ASIC2: variants seen among roughly 807,000 people sequenced by gnomAD.
The protein encoded by ASIC2 is acid sensing ion channel subunit 2, also known as acid-sensing ion channel 2.
ASIC2 carries 25 observed loss-of-function variants against 57.3 expected under a neutral mutation model. That is an observed-to-expected ratio of 0.44 (90% CI 0.32 to 0.61). The LOEUF is 0.61. ASIC2 is among the 20% of genes least tolerant of loss of function. ASIC2 has a pLI of 0.06. For missense variants in ASIC2, 641 were observed against 738.1 expected (o/e 0.87, Z 1.52); for synonymous variants, 319 against 307.5 (o/e 1.04, Z -0.39).
chr17:33,783,973 CTT>C, intron 1 of ASIC2, among the ~76,000 whole-genome samples: 1 of 152,332 alleles, frequency 6.6e-6, no homozygotes, highest in South Asian at 2.1e-4. Flanking sequence ...GGCAGCGACT[CTT>C]TACCTGAGAG....
intron 1 of ASIC2, among the ~76,000 whole-genome samples, chr17:33,693,559 A>G (rs955543620): frequency 6.6e-6 from 1 of 152,184 alleles, no homozygotes; most frequent in Non-Finnish European, 1.5e-5. Flanking sequence ...ACAAAGCAGG[A>G]TCATCTCAAG....
intron 1 of ASIC2, among the ~76,000 whole-genome samples, chr17:33,472,408 C>T (rs1913086064): frequency 6.6e-6 from 1 of 152,160 alleles, no homozygotes. Context: ...ATCTTTAAAA[C>T]AACCCTAGAA....
chr17:33,250,909 T>C (rs1908859125), intron 1 of ASIC2, among the ~76,000 whole-genome samples: 1 of 152,374 alleles, frequency 6.6e-6, no homozygotes, highest in African/African-American at 2.4e-5. Flanking sequence ...TTGATGCTGA[T>C]GAATATGTAT....
chr17:33,483,208 C>T (rs774146492), intron 1 of ASIC2, among the ~76,000 whole-genome samples: 31 of 152,216 alleles, frequency 2.0e-4, no homozygotes, highest in Non-Finnish European at 4.4e-4. Context: ...CCAGCATCAC[C>T]GGCCCTGGCA....
rs114031453 is a variant in ASIC2 at position 33,846,850 on chromosome 17, G to A, written c.555+309128C>T. Among the ~76,000 whole-genome samples the A allele has an allele frequency of 9.1e-3, 1,380 of 151,760 alleles. 21 individuals carry two copies. Among genetic ancestry groups the A allele is most frequent in the African/African-American group, 0.029 (1,218 of 41,358 alleles). On this transcript the variant is annotated intron_variant, in intron 1 of 9. Coordinates refer to the ASIC2 transcript ENST00000359872. Reference sequence around the variant, plus strand: ...CGCCTTTCTCCTGCCTCAGCCTCCCGACAGTGATAACGTTTTAAGTCTACG... The same window carrying A: ...CGCCTTTCTCCTGCCTCAGCCTCCCAACAGTGATAACGTTTTAAGTCTACG...
chr17:33,455,519 T>G lies in ASIC2; in HGVS notation c.556-343452A>C, dbSNP rs551297492. ...ATCCACGTTGCTGCAAAGGACATGATTTTGCTATCTTTTTATGGCTGCATA... is the reference window on the plus strand; with the variant it reads ...ATCCACGTTGCTGCAAAGGACATGAGTTTGCTATCTTTTTATGGCTGCATA... On this transcript the variant is annotated intron_variant, in intron 1 of 9. Coordinates refer to the ASIC2 transcript ENST00000359872. 3.3e-5 allele frequency among the ~76,000 whole-genome samples: 5 copies of G among 152,350 alleles called. No individual in the cohort carries two copies. In the South Asian group the frequency reaches 1.0e-3, roughly 32 times the overall value.
chr17:33,636,622 G>T (rs1225401424), intron 1 of ASIC2, among the ~76,000 whole-genome samples: 1 of 152,194 alleles, frequency 6.6e-6, no homozygotes, highest in African/African-American at 2.4e-5. Flanking sequence ...TCTCTGGGCT[G>T]CTTTCCGCAG....
intron 1 of ASIC2, among the ~76,000 whole-genome samples, chr17:34,128,127 AG>A (rs1362354922): frequency 1.3e-5 from 2 of 152,204 alleles, no homozygotes; most frequent in African/African-American, 4.8e-5. Flanking sequence ...AGAAGGAGGT[AG>A]AGGATGAGAA....
chr17:33,372,058 G>T (rs1013279523), intron 1 of ASIC2, among the ~76,000 whole-genome samples: 2 of 152,052 alleles, frequency 1.3e-5, no homozygotes, highest in Non-Finnish European at 2.9e-5. Flanking sequence ...TAACACTTAA[G>T]AAGAACTCCC....
intron 1 of ASIC2, among the ~76,000 whole-genome samples, chr17:33,417,464 C>T (rs904059300): frequency 1.3e-5 from 2 of 152,200 alleles, no homozygotes; most frequent in Non-Finnish European, 2.9e-5. Context: ...GGGAAACACA[C>T]AGAATACATT....
chr17:33,031,906 G>A (rs2091885352), intron 3 of ASIC2, among the ~76,000 whole-genome samples: 1 of 152,174 alleles, frequency 6.6e-6, no homozygotes, highest in Non-Finnish European at 1.5e-5. Flanking sequence ...AGACATGGCA[G>A]CTTTATTCTC....
chr17:34,044,087 C>T (rs60530176), intron 1 of ASIC2, among the ~76,000 whole-genome samples: 45,591 of 151,260 alleles, frequency 0.3, 7,675 homozygotes, highest in African/African-American at 0.46. Flanking sequence ...TAAAAGTGGG[C>T]CATACCCTTG....
At chr17:33,410,646 C>A (rs987449455) in intron 1 of ASIC2, among the ~76,000 whole-genome samples, 2 of 152,162 alleles carry the variant, frequency 1.3e-5, no homozygotes, top group African/African-American at 4.8e-5. Context: ...GCCCATTCTT[C>A]TCCCCATCTG....
At chr17:33,381,431 C>G (rs1299210113) in intron 1 of ASIC2, among the ~76,000 whole-genome samples, 1 of 152,240 alleles carries the variant, frequency 6.6e-6, no homozygotes, top group Non-Finnish European at 1.5e-5. Flanking sequence ...CCAGCCCAGC[C>G]GCAGGCTTCC....
intron 1 of ASIC2, chr17:34,039,308 C>A: frequency 6.2e-7 from 1 of 1,613,914 alleles, no homozygotes; most frequent in Non-Finnish European, 8.5e-7. Flanking sequence ...TCTGTGTTGC[C>A]AGATCCCGTA....
At chr17:33,950,905 C>T (rs370045061) in intron 1 of ASIC2, among the ~76,000 whole-genome samples, 1 of 141,510 alleles carries the variant, frequency 7.1e-6, no homozygotes, top group African/African-American at 2.5e-5. Flanking sequence ...TTAGCACTTA[C>T]ATCTCTTATT....
intron 3 of ASIC2, among the ~76,000 whole-genome samples, chr17:33,080,564 A>G (rs979643592): frequency 6.6e-6 from 1 of 152,158 alleles, no homozygotes; most frequent in African/African-American, 2.4e-5. Context: ...ACATACATAC[A>G]TACATACCTC....
chr17:33,389,407 A>G (rs1258855564), intron 1 of ASIC2, among the ~76,000 whole-genome samples: 1 of 152,216 alleles, frequency 6.6e-6, no homozygotes, highest in Non-Finnish European at 1.5e-5. Flanking sequence ...GAAGAGGAAA[A>G]TGGATATAGT....
In ASIC2 at chr17:33,948,760, G is replaced by A. The variant is rs147245137; in HGVS notation, c.555+207218C>T. On this transcript the variant is annotated intron_variant, in intron 1 of 9. Coordinates refer to the ASIC2 transcript ENST00000359872. ...ATTGTCAATGCCTACCTTACACTGT[G>A]ATTGGGAGGATTAGACAAAGCAAGA... Among the ~76,000 whole-genome samples, 541 of 152,324 alleles carry A rather than the reference G, an allele frequency of 3.6e-3. 1 individual carries two copies. Among genetic ancestry groups the A allele is most frequent in the African/African-American group, 0.012 (508 of 41,572 alleles).
Sources: allele counts gnomAD v4.1 joint callset (sites outside exome capture counted in the v4.1 genomes callset), GRCh38; gene constraint gnomAD v4.1.1; transcripts MANE v1.5; gene names NCBI Gene and HGNC (gene_info 2026-07-23, HGNC 2026-07-21).